MARK1: variants seen among roughly 807,000 people sequenced by gnomAD.
MARK1 encodes the protein serine/threonine-protein kinase MARK1.
In MARK1, 40 loss-of-function variants were observed where a neutral mutation model predicts 96.3. The ratio of observed to expected loss-of-function variants is 0.42; its 90% CI spans 0.32 to 0.54. MARK1 has a LOEUF of 0.54. Ranked by LOEUF, MARK1 falls within the 20% of genes least tolerant of loss-of-function variation. The probability of loss-of-function intolerance (pLI) is 0.16; values close to 1 mark genes in which losing one functional copy is unlikely to be tolerated. For missense variants in MARK1, 719 were observed against 984.6 expected, an observed-to-expected ratio of 0.73 and a Z score of 3.61; for synonymous variants, 317 against 341.2, an observed-to-expected ratio of 0.93 and a Z score of 0.78.
chr1:220,592,946 CTTAACAAATAAATAAAATT>C (rs1217086897), intron 3 of MARK1, among the ~76,000 whole-genome samples: 2 of 152,040 alleles, frequency 1.3e-5, no homozygotes, highest in African/African-American at 4.8e-5. Context: ...TTTCCTACAG[CTTAACAAATAAATAAAATT>C]TTAACAAGAA....
At chr1:220,600,192 G>A (rs1261657049) in intron 5 of MARK1, among the ~76,000 whole-genome samples, 1 of 152,032 alleles carries the variant, frequency 6.6e-6, no homozygotes, top group African/African-American at 2.4e-5. Flanking sequence ...GCTATCAGCA[G>A]GGAATCTCAA....
intron 3 of MARK1, among the ~76,000 whole-genome samples, chr1:220,586,011 A>ACACACGCG (rs112968910): frequency 1.3e-4 from 20 of 148,634 alleles, no homozygotes; most frequent in Admixed American, 8.6e-4. Context: ...ACACACACAC[A>ACACACGCG]CGCGCGCGTG....
At chr1:220,633,321 C>T (rs758060740) in intron 11 of MARK1, among the ~76,000 whole-genome samples, 1 of 152,012 alleles carries the variant, frequency 6.6e-6, no homozygotes. Flanking sequence ...GGCTATACAT[C>T]GAGAGTCAAG....
intron 1 of MARK1, among the ~76,000 whole-genome samples, chr1:220,546,985 A>G (rs1174219432): frequency 6.6e-6 from 1 of 151,730 alleles, no homozygotes; most frequent in African/African-American, 2.4e-5. Context: ...AAAAAAAAAA[A>G]AAGAAAAAAG....
At position 220,618,582 on chromosome 1, in the gene MARK1, A is replaced by G. The variant is rs780059313; in HGVS notation, c.789+36A>G. The stretch of plus-strand genomic sequence containing the variant: ...AATTCTTTATTAATGTTTTATCCCC[A>G]AGTATGATTATGTCAAAAACCAGTT... On this transcript the variant is annotated intron_variant, in intron 8 of 17. Coordinates refer to ENST00000366917, the MANE Select transcript of MARK1 (RefSeq NM_018650.5). The surrounding 1 kb of genome is among the most constrained non-coding windows in gnomAD (Gnocchi z 4.6). The G allele has an allele frequency of 6.2e-7, 1 of 1,612,946 alleles. No individual in the cohort carries two copies. Among genetic ancestry groups the G allele is most frequent in the Non-Finnish European group, 8.5e-7 (1 of 1,179,586 alleles).
chr1:220,602,090 C>G (rs1222230227), intron 5 of MARK1, among the ~76,000 whole-genome samples: 1 of 152,074 alleles, frequency 6.6e-6, no homozygotes, highest in African/African-American at 2.4e-5. Flanking sequence ...GAAATTTCTA[C>G]TTAGTTTAGG....
chr1:220,556,644 TAA>T (rs1662286392), intron 1 of MARK1, among the ~76,000 whole-genome samples: 1 of 152,092 alleles, frequency 6.6e-6, no homozygotes, highest in Non-Finnish European at 1.5e-5. Context: ...TAAATTTGTT[TAA>T]AAAGTTTTAA....
chr1:220,555,635 A>C (rs1022214016), intron 1 of MARK1, among the ~76,000 whole-genome samples: 1 of 152,174 alleles, frequency 6.6e-6, no homozygotes, highest in Non-Finnish European at 1.5e-5. Context: ...TAATGAGATG[A>C]GCTATTCTGT....
At chr1:220,562,996 C>G (rs529082336) in intron 1 of MARK1, among the ~76,000 whole-genome samples, 1 of 152,232 alleles carries the variant, frequency 6.6e-6, no homozygotes, top group African/African-American at 2.4e-5. Flanking sequence ...AGTCCTCTTC[C>G]TGCATTTAAG....
chr1:220,563,066 CT>C (rs756830693), intron 1 of MARK1, among the ~76,000 whole-genome samples: 15 of 152,076 alleles, frequency 9.9e-5, no homozygotes, highest in Non-Finnish European at 2.2e-4. Flanking sequence ...CAGGCCAGGG[CT>C]GTCTTTATTG....
chr1:220,545,783 A>G (rs1270505625), intron 1 of MARK1, among the ~76,000 whole-genome samples: 2 of 152,150 alleles, frequency 1.3e-5, no homozygotes, highest in Admixed American at 1.3e-4. Context: ...TTTATCTGGC[A>G]TATGAGAGAA....
At chr1:220,576,963 C>A (rs894712371) in intron 1 of MARK1, among the ~76,000 whole-genome samples, 2 of 152,008 alleles carry the variant, frequency 1.3e-5, no homozygotes, top group Admixed American at 6.6e-5. Context: ...CATATTAAAT[C>A]TTGAAAGATG....
Position 220,662,482 on chromosome 1 carries a change from C to A in MARK1, c.*316C>A. Reference sequence around the variant, plus strand: ...TGTATAGTTGTCTAGATTTCTGCACCTGAATGTATGTTTGATGCTTTGATT... The same window carrying A: ...TGTATAGTTGTCTAGATTTCTGCACATGAATGTATGTTTGATGCTTTGATT... On this transcript the variant is annotated 3_prime_UTR_variant, in exon 18 of 18. Coordinates refer to ENST00000366917, the MANE Select transcript of MARK1 (RefSeq NM_018650.5). The A allele has an allele frequency of 4.5e-6, 1 of 221,612 alleles. No individual in the cohort carries two copies. The highest frequency in any genetic ancestry group is 9.0e-6 in the Non-Finnish European group (1 of 111,586). 13.7% of individuals were successfully genotyped at this position (221,612 alleles called of 1,614,324 possible).
rs1400652952 is a variant in MARK1 at position 220,528,425 on chromosome 1, G to C, written c.-398G>C. 5.4e-6 allele frequency: 1 copy of C among 186,290 alleles called. No homozygotes were observed. The highest frequency in any genetic ancestry group is 1.1e-5 in the Non-Finnish European group (1 of 90,770). 11.5% of individuals were successfully genotyped at this position (186,290 alleles called of 1,614,324 possible). A position where few individuals can be genotyped will look rare whatever the true frequency, so the allele number is the denominator to read the frequency against. On this transcript the variant is annotated 5_prime_UTR_variant, in exon 1 of 18. Coordinates refer to ENST00000366917, the MANE Select transcript of MARK1 (RefSeq NM_018650.5). ...TTCCTGACGCCCAGGCGCTCGCCAG[G>C]ACGAGCCAGGCAGTGATTTGAGGCA...
At chr1:220,546,260 T>C (rs1661485450) in intron 1 of MARK1, among the ~76,000 whole-genome samples, 5 of 152,212 alleles carry the variant, frequency 3.3e-5, no homozygotes, top group Admixed American at 3.3e-4. Flanking sequence ...ATCAGAATAA[T>C]TTTTTATTTA....
At chr1:220,623,355 A>C (rs941454018) in intron 9 of MARK1, among the ~76,000 whole-genome samples, 1 of 152,178 alleles carries the variant, frequency 6.6e-6, no homozygotes, top group Non-Finnish European at 1.5e-5. Context: ...CTTCCCTTTC[A>C]TGTATCCATA....
intron 9 of MARK1, among the ~76,000 whole-genome samples, chr1:220,630,023 G>C (rs1301321120): frequency 6.6e-6 from 1 of 152,138 alleles, no homozygotes; most frequent in Non-Finnish European, 1.5e-5. Flanking sequence ...AGGAACCTCT[G>C]TACTATTTTC....
In MARK1 at chr1:220,631,038, A is replaced by T; in HGVS notation, c.913A>T (p.Ile305Leu). 1 of 1,606,622 alleles carries T rather than the reference A, an allele frequency of 6.2e-7. No homozygotes were observed. The highest frequency in any genetic ancestry group is 1.3e-5 in the African/African-American group (1 of 74,872). Residue 305 changes from isoleucine (I) to leucine (L), a missense_variant, in exon 10 of 18, where the codon ATA (isoleucine) becomes TTA (leucine). By Grantham distance (5) the Ile-to-Leu change is conservative. This residue lies in a region of MARK1 where 501 missense variants were observed against 588.3 expected (regional missense o/e 0.85). Transcript: ENST00000366917. ...NPIKRGSLEQ[I>L]MKDRWMNVGH... ...TAATGTAGAGTTTATTTCCTAGCAA[A>T]TAATGAAAGATCGATGGATGAATGT...
chr1:220,587,722 A>T (rs1248286979), intron 3 of MARK1, among the ~76,000 whole-genome samples: 1 of 152,174 alleles, frequency 6.6e-6, no homozygotes, highest in African/African-American at 2.4e-5. Context: ...TGAATATGCC[A>T]TGCATAGTTT....
Sources: allele counts gnomAD v4.1 joint callset (sites outside exome capture counted in the v4.1 genomes callset), GRCh38; gene constraint gnomAD v4.1.1; regional missense constraint gnomAD v4.1.1; non-coding constraint Gnocchi (gnomAD v3.1); transcripts MANE v1.5; gene names NCBI Gene and HGNC (gene_info 2026-07-23, HGNC 2026-07-21).